The following MMP26 variants were observed in gnomAD, a reference collection of about 807,000 sequenced individuals.
The protein encoded by MMP26 is matrix metallopeptidase 26, also known as matrix metalloproteinase-26.
Under a neutral mutation model 31.0 loss-of-function variants are expected in MMP26, and 33 were observed. That is an observed-to-expected ratio of 1.06 (90% CI 0.81 to 1.42). MMP26 has a LOEUF of 1.42. Among genes scored for constraint, MMP26 ranks in the 40% most tolerant of loss-of-function variants. The pLI, the probability that MMP26 is intolerant of heterozygous loss-of-function variation, is 0.00. For missense variants in MMP26, 347 were observed against 316.1 expected, an observed-to-expected ratio of 1.10 and a Z score of -0.74; for synonymous variants, 122 against 114.9, an observed-to-expected ratio of 1.06 and a Z score of -0.40.
At chr11:4,964,531 G>T (rs1300911335) in intron 2 of MMP26, among the ~76,000 whole-genome samples, 1 of 151,938 alleles carries the variant, frequency 6.6e-6, no homozygotes, top group Non-Finnish European at 1.5e-5. Context: ...AGACCTAGAG[G>T]CAAAAATATC....
In MMP26 at chr11:4,980,569, A is replaced by C. The variant is rs75619767; in HGVS notation, c.-144-7499A>C. On this transcript the variant is annotated intron_variant, in intron 2 of 7. Transcript: ENST00000380390. ...ACAAGATAATGCAAAAGGAAAAGTA[A>C]ACTAATGAAAAACCCAACGAAATAG... 5.2e-3 allele frequency among the ~76,000 whole-genome samples: 793 copies of C among 152,262 alleles called. 1 individual carries two copies. The highest frequency in any genetic ancestry group is 9.2e-3 in the Non-Finnish European group (627 of 67,984).
intron 1 of MMP26, chr11:4,712,188 T>G (rs1847870760): frequency 6.6e-6 from 1 of 152,234 alleles, no homozygotes; most frequent in Admixed American, 6.5e-5. Context: ...GCATCTTCAT[T>G]TTGGCAAACA....
In MMP26 at chr11:4,896,373, A is replaced by G. The variant is rs188473272; in HGVS notation, c.-144-91695A>G. On this transcript the variant is annotated intron_variant, in intron 2 of 7. Coordinates refer to ENST00000380390, the MANE Select transcript of MMP26 (RefSeq NM_021801.5). The stretch of plus-strand genomic sequence containing the variant: ...TGAGTTTTCCTCTCATGGGACACCA[A>G]TCCCTCCAGCTCTGCCACCCTCTGT... Among the ~76,000 whole-genome samples, 85 of 152,254 alleles carry G rather than the reference A, an allele frequency of 5.6e-4. 1 individual carries two copies. The highest frequency in any genetic ancestry group is 2.0e-3 in the African/African-American group (84 of 41,548).
intron 2 of MMP26, chr11:4,860,563 A>C (rs1564795833): frequency 6.5e-6 from 3 of 460,128 alleles, no homozygotes; most frequent in Non-Finnish European, 1.4e-5. Flanking sequence ...CAAGTTCGTC[A>C]TGTTGTTCTC....
intron 2 of MMP26, among the ~76,000 whole-genome samples, chr11:4,785,048 C>G (rs1848917694): frequency 6.6e-6 from 1 of 152,068 alleles, no homozygotes; most frequent in African/African-American, 2.4e-5. Flanking sequence ...AGACAGGTGT[C>G]AATGTTGCTT....
chr11:4,707,005 A>G (rs533008264), intron 1 of MMP26, among the ~76,000 whole-genome samples: 1 of 152,286 alleles, frequency 6.6e-6, no homozygotes, highest in Non-Finnish European at 1.5e-5. Flanking sequence ...TTGTTTCCAT[A>G]TGTTGGCTAT....
At chr11:4,822,489 A>G in intron 2 of MMP26, 1 of 945,544 alleles carries the variant, frequency 1.1e-6, no homozygotes, top group East Asian at 2.9e-5. Flanking sequence ...AGCAATTTAT[A>G]GGTTATGTGA....
intron 1 of MMP26, among the ~76,000 whole-genome samples, chr11:4,716,356 T>C (rs1173661946): frequency 6.6e-6 from 1 of 152,170 alleles, no homozygotes; most frequent in Non-Finnish European, 1.5e-5. Context: ...TATGCAGCTA[T>C]AGACAACTAA....
intron 2 of MMP26, among the ~76,000 whole-genome samples, chr11:4,776,904 A>G (rs560186910): frequency 6.6e-6 from 1 of 152,296 alleles, no homozygotes; most frequent in South Asian, 2.1e-4. Context: ...GGTTCTTTAT[A>G]GCAGTGTGAA....
chr11:4,948,671 T>C (rs2133609185), intron 2 of MMP26, among the ~76,000 whole-genome samples: 1 of 124,048 alleles, frequency 8.1e-6, no homozygotes, highest in African/African-American at 2.7e-5. Flanking sequence ...GAAAAGGCTC[T>C]TGAGGAGAAA....
chr11:4,860,399 T>G, intron 2 of MMP26: 1 of 471,172 alleles, frequency 2.1e-6, no homozygotes, highest in Non-Finnish European at 4.4e-6. Flanking sequence ...TCATGGAGAC[T>G]TGGCTCCACC....
chr11:4,782,969 C>G (rs34024161), intron 2 of MMP26, among the ~76,000 whole-genome samples: 14,378 of 152,190 alleles, frequency 0.094, 845 homozygotes, highest in Middle Eastern at 0.15. Context: ...GCCTGGATAC[C>G]CAGGCAGAAG....
At chr11:4,846,714 A>G in intron 2 of MMP26, among the ~76,000 whole-genome samples, 1 of 152,316 alleles carries the variant, frequency 6.6e-6, no homozygotes, top group South Asian at 2.1e-4. Context: ...AAAAATATAT[A>G]TTTATTAAAG....
chr11:4,797,052 A>G (rs1589903336), intron 2 of MMP26, among the ~76,000 whole-genome samples: 1 of 152,054 alleles, frequency 6.6e-6, no homozygotes, highest in South Asian at 2.1e-4. Context: ...TTCATCATTC[A>G]CATATTTATT....
intron 1 of MMP26, among the ~76,000 whole-genome samples, chr11:4,750,552 A>G (rs552489731): frequency 6.6e-6 from 1 of 152,206 alleles, no homozygotes; most frequent in East Asian, 1.9e-4. Context: ...GGATAAAGAA[A>G]ACGTGGTGAG....
chr11:4,786,515 T>TTTA (rs1564909347), intron 2 of MMP26, among the ~76,000 whole-genome samples: 9 of 120,750 alleles, frequency 7.5e-5, no homozygotes, highest in Non-Finnish European at 1.6e-4. Context: ...TTTTTTTTTT[T>TTTA]TTTTTTTTAC....
intron 2 of MMP26, chr11:4,937,268 T>C (rs1465433965): frequency 6.6e-6 from 1 of 152,190 alleles, no homozygotes; most frequent in Admixed American, 6.6e-5. Flanking sequence ...AAGACCACTC[T>C]AGTAAAGTAT....
At chr11:4,983,608 C>T (rs1262791876) in intron 2 of MMP26, among the ~76,000 whole-genome samples, 1 of 152,100 alleles carries the variant, frequency 6.6e-6, no homozygotes, top group Non-Finnish European at 1.5e-5. Flanking sequence ...AATACTATAG[C>T]CATAATGAGA....
intron 2 of MMP26, chr11:4,821,398 T>A (rs755211366): frequency 6.2e-7 from 1 of 1,613,158 alleles, no homozygotes; most frequent in Non-Finnish European, 8.5e-7. Context: ...GACTGAAACA[T>A]CCCTGTCTTC....
Sources: allele counts gnomAD v4.1 joint callset (sites outside exome capture counted in the v4.1 genomes callset), GRCh38; gene constraint gnomAD v4.1.1; transcripts MANE v1.5; gene names NCBI Gene and HGNC (gene_info 2026-07-23, HGNC 2026-07-21).